Variants in PDCD6IP observed in about 807,000 individuals in gnomAD.
The protein encoded by PDCD6IP is programmed cell death 6 interacting protein.
In PDCD6IP, 43 loss-of-function variants were observed where a neutral mutation model predicts 103.7. The ratio of observed to expected loss-of-function variants is 0.41; its 90% CI spans 0.32 to 0.53. The LOEUF (loss-of-function observed/expected upper bound fraction) is 0.53, where lower values mean the gene tolerates loss of function less well. PDCD6IP is among the 20% of genes least tolerant of loss of function. The pLI, the probability that PDCD6IP is intolerant of heterozygous loss-of-function variation, is 0.16. For missense variants in PDCD6IP, 871 were observed against 1,036.7 expected, an observed-to-expected ratio of 0.84 and a Z score of 2.20; for synonymous variants, 354 against 378.7, an observed-to-expected ratio of 0.93 and a Z score of 0.76.
At chr3:33,817,136 G>C (rs947799500) in intron 3 of PDCD6IP, among the ~76,000 whole-genome samples, 4 of 152,148 alleles carry the variant, frequency 2.6e-5, no homozygotes, top group African/African-American at 9.7e-5. Flanking sequence ...TTGAATAAAA[G>C]GCCTGCCTTA....
At chr3:33,807,609 G>A (rs573956737) in intron 1 of PDCD6IP, among the ~76,000 whole-genome samples, 3 of 152,266 alleles carry the variant, frequency 2.0e-5, no homozygotes, top group Admixed American at 6.5e-5. Flanking sequence ...TCTCATTGGG[G>A]TAGAGTAAAA....
chr3:33,834,173 GA>G (rs1425902322), intron 7 of PDCD6IP, among the ~76,000 whole-genome samples: 5 of 152,150 alleles, frequency 3.3e-5, no homozygotes, highest in Non-Finnish European at 4.4e-5. Context: ...CTCTTGGGAT[GA>G]GGCCCCTCAG....
At chr3:33,863,922 T>A in intron 15 of PDCD6IP, 84 bp from the exon 16 acceptor site, 1 of 847,760 alleles carries the variant, frequency 1.2e-6, no homozygotes, top group Non-Finnish European at 2.0e-6. Flanking sequence ...CTATGTTTCA[T>A]GTATGAAGAA....
At chr3:33,828,793 A>G (rs747831316) in intron 6 of PDCD6IP, 60 bp from the exon 7 acceptor site, 2 of 1,592,676 alleles carry the variant, frequency 1.3e-6, no homozygotes, top group South Asian at 2.3e-5. Context: ...CCTGCATCCC[A>G]TGTTGTCTGT....
chr3:33,837,923 C>T (rs952996888), intron 8 of PDCD6IP, among the ~76,000 whole-genome samples: 1 of 152,154 alleles, frequency 6.6e-6, no homozygotes, highest in African/African-American at 2.4e-5. Context: ...AACAGTGTCA[C>T]TGAAGATCCC....
At chr3:33,812,168 C>G in intron 2 of PDCD6IP, 42 bp downstream of exon 2, 1 of 1,570,890 alleles carries the variant, frequency 6.4e-7, no homozygotes, top group Non-Finnish European at 8.6e-7. Context: ...GGTAATAGCA[C>G]CCATTTCCTT....
At chr3:33,820,857 C>T (rs1696975774) in intron 3 of PDCD6IP, among the ~76,000 whole-genome samples, 1 of 152,156 alleles carries the variant, frequency 6.6e-6, no homozygotes, top group Admixed American at 6.5e-5. Context: ...CTGCTATGAA[C>T]ATGGGCATAC....
rs1428556765 is a variant in PDCD6IP at position 33,868,209 on chromosome 3, T to G, written c.*1684T>G. The G allele has an allele frequency of 6.6e-6, 1 of 152,224 alleles. No individual in the cohort carries two copies. Among genetic ancestry groups the G allele is most frequent in the South Asian group, 2.1e-4 (1 of 4,834 alleles). 9.4% of individuals were successfully genotyped at this position (152,224 alleles called of 1,614,324 possible). A position where few individuals can be genotyped will look rare whatever the true frequency, so the allele number is the denominator to read the frequency against. On this transcript the variant is annotated 3_prime_UTR_variant, in exon 18 of 18. Coordinates refer to ENST00000307296, the MANE Select transcript of PDCD6IP (RefSeq NM_013374.6). ...TAAGTGGCATTTAAGTTCCACATTC[T>G]TATTACTTGAGGTACTTTATACTAA...
chr3:33,800,625 A>C (rs892641558), intron 1 of PDCD6IP, among the ~76,000 whole-genome samples: 4 of 152,146 alleles, frequency 2.6e-5, no homozygotes, highest in African/African-American at 9.7e-5. Context: ...ATTTTTTTTA[A>C]AGTTAACCTA....
At chr3:33,826,937 C>T (rs1697140355) in intron 6 of PDCD6IP, 5 of 1,005,502 alleles carry the variant, frequency 5.0e-6, no homozygotes, top group Non-Finnish European at 5.9e-6. Flanking sequence ...GTTGATGATT[C>T]ACACTTTTAA....
chr3:33,825,956 A>C (rs915716231), intron 5 of PDCD6IP, among the ~76,000 whole-genome samples: 17 of 152,184 alleles, frequency 1.1e-4, no homozygotes, highest in Non-Finnish European at 2.4e-4. Flanking sequence ...ATCCAGGCAC[A>C]GTCCCTAGCC....
chr3:33,820,724 T>A (rs952349662), intron 3 of PDCD6IP, among the ~76,000 whole-genome samples: 1 of 152,220 alleles, frequency 6.6e-6, no homozygotes, highest in East Asian at 1.9e-4. Context: ...TGTTATAGCA[T>A]ATGATTTCCT....
rs1381570272 is a variant in PDCD6IP, at chr3:33,866,364, C to T, written c.2446C>T (p.Pro816Ser). Reference protein sequence around the residue: ...YPGYPGYCQMPMPMGYNPYAY... With the variant: ...YPGYPGYCQMSMPMGYNPYAY... ...TTCTTCTATCAGGTATTGCCAAATG[C>T]CCATGCCCATGGGCTATAATCCTTA... The change falls in exon 18 of 18, where the codon CCC (proline) becomes TCC (serine). Residue 816 changes from proline to serine, a missense_variant. Pro to Ser is a moderately conservative substitution (Grantham distance 74). Coordinates refer to ENST00000307296, the MANE Select transcript of PDCD6IP (RefSeq NM_013374.6). 1.3e-6 allele frequency: 2 copies of T among 1,554,318 alleles called. No individual in the cohort carries two copies. Among genetic ancestry groups the T allele is most frequent in the South Asian group, 2.5e-5 (2 of 80,782 alleles).
intron 15 of PDCD6IP, among the ~76,000 whole-genome samples, chr3:33,862,656 C>A (rs1697978796): frequency 6.6e-6 from 1 of 152,138 alleles, no homozygotes; most frequent in Non-Finnish European, 1.5e-5. Context: ...CGCCACATTT[C>A]TTTGAATATC....
At chr3:33,799,059 A>T (rs541362459) in intron 1 of PDCD6IP, 122 bp downstream of exon 1, 2 of 941,832 alleles carry the variant, frequency 2.1e-6, no homozygotes, top group Non-Finnish European at 3.1e-6. Context: ...CGGCCTGACC[A>T]GGCGCGTAGG....
chr3:33,855,223 GT>G lies in PDCD6IP; in HGVS notation c.2088del (p.Phe696LeufsTer11). 1 of 1,610,492 alleles carries G rather than the reference GT, an allele frequency of 6.2e-7. No individual in the cohort carries two copies. The highest frequency in any genetic ancestry group is 1.1e-5 in the South Asian group (1 of 90,984). On this transcript the variant is annotated frameshift_variant, in exon 15 of 18. Transcript: ENST00000307296. LOFTEE classifies it high-confidence loss of function. Reference protein sequence around the residue: ...VRFQNKCSDIVFARKTERDEL... With the variant: ...VRFQNKCSDIXFARKTERDEL... The stretch of plus-strand genomic sequence containing the variant: ...GTTCCAGAACAAATGCAGTGATATA[GT>G]TTTTGCACGGAAGACAGAAAGAGAT...
intron 6 of PDCD6IP, chr3:33,826,812 G>A: frequency 7.8e-7 from 1 of 1,275,842 alleles, no homozygotes; most frequent in East Asian, 3.7e-5. Flanking sequence ...GTTTTTCCAA[G>A]CTAGAACTCT....
chr3:33,862,600 T>A (rs1697977730), intron 15 of PDCD6IP, among the ~76,000 whole-genome samples: 1 of 152,200 alleles, frequency 6.6e-6, no homozygotes, highest in African/African-American at 2.4e-5. Flanking sequence ...CATGAGTTTA[T>A]CTTAGTGACA....
intron 12 of PDCD6IP, among the ~76,000 whole-genome samples, chr3:33,849,960 A>G (rs959890709): frequency 4.6e-5 from 7 of 152,130 alleles, no homozygotes; most frequent in Non-Finnish European, 7.4e-5. Context: ...GAATTATTGC[A>G]TTTTTGAATA....
Sources: gnomAD v4.1 joint callset for allele counts (sites outside exome capture counted in the v4.1 genomes callset) on GRCh38, gnomAD v4.1.1 for gene constraint, MANE v1.5 for transcripts, NCBI Gene and HGNC (gene_info 2026-07-23, HGNC 2026-07-21) for gene names.